Variants in ADAM23 observed in about 807,000 individuals in gnomAD.
The protein encoded by ADAM23 is disintegrin and metalloproteinase domain-containing protein 23.
In ADAM23, 33 loss-of-function variants were observed where a neutral mutation model predicts 120.1. That is an observed-to-expected ratio of 0.27 (90% CI 0.21 to 0.37). The LOEUF is 0.37. Ranked by LOEUF, ADAM23 falls within the 10% of genes least tolerant of loss-of-function variation. The pLI, the probability that ADAM23 is intolerant of heterozygous loss-of-function variation, is 1.00. For missense variants in ADAM23, 862 were observed against 1,058.2 expected (o/e 0.81, Z 2.57); for synonymous variants, 367 against 375.2 (o/e 0.98, Z 0.25).
At chr2:206,462,347 C>T (rs943157845) in intron 2 of ADAM23, among the ~76,000 whole-genome samples, 4 of 152,164 alleles carry the variant, frequency 2.6e-5, no homozygotes, top group Admixed American at 1.3e-4. Flanking sequence ...AAGGCTGTTA[C>T]ATTTCTGTTT....
chr2:206,578,050 A>G (rs921993144), intron 18 of ADAM23, among the ~76,000 whole-genome samples: 3 of 152,170 alleles, frequency 2.0e-5, no homozygotes, highest in African/African-American at 7.2e-5. Context: ...TTTTGGCTGC[A>G]CAAGGTTTTT....
chr2:206,495,813 A>T (rs1351603858), intron 3 of ADAM23, among the ~76,000 whole-genome samples: 2 of 152,210 alleles, frequency 1.3e-5, no homozygotes, highest in African/African-American at 2.4e-5. Context: ...AAGATCTACC[A>T]AGCCAATGGA....
At chr2:206,497,756 A>G (rs530151477) in intron 3 of ADAM23, among the ~76,000 whole-genome samples, 63 of 152,304 alleles carry the variant, frequency 4.1e-4, no homozygotes, top group Admixed American at 1.6e-3. Context: ...AGAAAACCCC[A>G]TCATCTCAGC....
At chr2:206,472,860 A>G (rs1695689230) in intron 2 of ADAM23, among the ~76,000 whole-genome samples, 1 of 152,316 alleles carries the variant, frequency 6.6e-6, no homozygotes, top group South Asian at 2.1e-4. Flanking sequence ...GTTGGCACAG[A>G]GAACAAAGTC....
At chr2:206,448,417 G>C (rs756894093) in intron 2 of ADAM23, among the ~76,000 whole-genome samples, 2 of 152,196 alleles carry the variant, frequency 1.3e-5, no homozygotes, top group Non-Finnish European at 2.9e-5. Flanking sequence ...ATTTTGCTTT[G>C]TGTGATATTG....
intron 9 of ADAM23, among the ~76,000 whole-genome samples, chr2:206,552,076 C>T (rs982389261): frequency 1.1e-4 from 17 of 151,966 alleles, no homozygotes; most frequent in Admixed American, 1.1e-3. Context: ...GATTTTTTTT[C>T]CCAGCTGATT....
intron 2 of ADAM23, among the ~76,000 whole-genome samples, chr2:206,474,025 CA>C (rs543494446): frequency 1.1e-3 from 137 of 128,200 alleles, no homozygotes; most frequent in African/African-American, 2.4e-3. Context: ...AAAAAAAAAA[CA>C]AAAAAAAAAA....
chr2:206,457,808 A>G (rs574746443), intron 2 of ADAM23, among the ~76,000 whole-genome samples: 24 of 152,304 alleles, frequency 1.6e-4, no homozygotes, highest in Non-Finnish European at 2.4e-4. Flanking sequence ...TTTGAAAAAT[A>G]TTTTCTAATA....
intron 9 of ADAM23, among the ~76,000 whole-genome samples, chr2:206,550,651 G>A (rs1214888838): frequency 6.7e-6 from 1 of 150,308 alleles, no homozygotes; most frequent in South Asian, 2.1e-4. Context: ...GCCCAGCCTG[G>A]AGTACAGTGG....
chr2:206,495,391 A>T (rs944772376), intron 3 of ADAM23, among the ~76,000 whole-genome samples: 1 of 152,160 alleles, frequency 6.6e-6, no homozygotes, highest in Non-Finnish European at 1.5e-5. Flanking sequence ...TTTCATATCC[A>T]GCCAAACTAA....
chr2:206,596,261 T>C (rs1698523545), intron 24 of ADAM23, 99 bp downstream of exon 24: 3 of 827,460 alleles, frequency 3.6e-6, no homozygotes, highest in Admixed American at 2.7e-5. Context: ...AGGAGACACA[T>C]AAGAATATCT....
chr2:206,513,407 A>G (rs1003448374), intron 3 of ADAM23, among the ~76,000 whole-genome samples: 1 of 152,202 alleles, frequency 6.6e-6, no homozygotes, highest in Non-Finnish European at 1.5e-5. Context: ...AAACCAGCCA[A>G]AACATTCCAT....
Position 206,516,982 on chromosome 2 carries a change from A to G in ADAM23, c.510-13903A>G, listed in dbSNP as rs141046752. 4.7e-3 allele frequency among the ~76,000 whole-genome samples: 714 copies of G among 152,244 alleles called. 5 individuals are homozygous for G. The highest frequency in any genetic ancestry group is 0.016 in the African/African-American group (684 of 41,548). On this transcript the variant is annotated intron_variant, in intron 3 of 25. Transcript: ENST00000264377. Reference sequence around the variant, plus strand: ...ACCAGCAGCATTTCCTTGTCTTACAATAGTAAGCTTGCTAAAATAATAATA... The same window carrying G: ...ACCAGCAGCATTTCCTTGTCTTACAGTAGTAAGCTTGCTAAAATAATAATA...
chr2:206,557,421 C>T lies in ADAM23; in HGVS notation c.934-6C>T. The T allele has an allele frequency of 6.2e-7, 1 of 1,611,454 alleles. No individual in the cohort carries two copies. The highest frequency in any genetic ancestry group is 1.1e-5 in the South Asian group (1 of 91,012). ...TGGCAGTGACTGGTATGTATTTCCC[C>T]CCTAGTATAAGAAGCATCGCTCTTC... On this transcript the variant is annotated splice_region_variant and splice_polypyrimidine_tract_variant and intron_variant, in intron 9 of 25. Transcript: ENST00000264377.
intron 2 of ADAM23, among the ~76,000 whole-genome samples, chr2:206,467,618 G>A (rs964101970): frequency 2.6e-5 from 4 of 152,306 alleles, no homozygotes; most frequent in Admixed American, 2.6e-4. Flanking sequence ...GGCTTTTACA[G>A]GCACAGGGTG....
At chr2:206,468,182 A>G (rs184280729) in intron 2 of ADAM23, among the ~76,000 whole-genome samples, 7 of 152,138 alleles carry the variant, frequency 4.6e-5, no homozygotes, top group Admixed American at 4.6e-4. Context: ...CTTTTTCCTT[A>G]TGCAAATTTC....
chr2:206,454,397 C>T (rs978112007), intron 2 of ADAM23, among the ~76,000 whole-genome samples: 10 of 152,138 alleles, frequency 6.6e-5, no homozygotes, highest in African/African-American at 2.2e-4. Context: ...CACCTCCCAC[C>T]AGGTCCCTAC....
chr2:206,478,861 AT>A (rs1438774069), intron 2 of ADAM23, among the ~76,000 whole-genome samples: 1 of 152,074 alleles, frequency 6.6e-6, no homozygotes, highest in Non-Finnish European at 1.5e-5. Flanking sequence ...ATTCTTATTC[AT>A]CTTTTGAGTT....
intron 11 of ADAM23, 25 bp downstream of exon 11, chr2:206,560,143 T>C (rs2105821518): frequency 6.3e-7 from 1 of 1,599,748 alleles, no homozygotes. Context: ...CAGCCTTTAG[T>C]GTAGTCTTTG....
Sources: gnomAD v4.1 joint callset for allele counts (sites outside exome capture counted in the v4.1 genomes callset) on GRCh38, gnomAD v4.1.1 for gene constraint, MANE v1.5 for transcripts, NCBI Gene and HGNC (gene_info 2026-07-23, HGNC 2026-07-21) for gene names.